Variants in NKAIN2 observed in about 807,000 individuals in gnomAD.
NKAIN2 encodes the protein sodium/potassium transporting ATPase interacting 2, also known as sodium/potassium-transporting ATPase subunit beta-1-interacting protein 2.
NKAIN2 carries 14 observed loss-of-function variants against 32.6 expected under a neutral mutation model. The ratio of observed to expected loss-of-function variants is 0.43; its 90% CI spans 0.28 to 0.67. The LOEUF (loss-of-function observed/expected upper bound fraction) is 0.67. NKAIN2 is among the 30% of genes least tolerant of loss of function. The pLI is 0.17. For synonymous variants in NKAIN2, 80 were observed against 87.2 expected (o/e 0.92, Z 0.46); for missense variants, 198 against 258.3 (o/e 0.77, Z 1.60).
chr6:123,895,712 T>A (rs1218115281), intron 1 of NKAIN2, among the ~76,000 whole-genome samples: 1 of 152,156 alleles, frequency 6.6e-6, no homozygotes, highest in Non-Finnish European at 1.5e-5. Context: ...TAGATGCAAA[T>A]GCAGTGAACA....
chr6:124,221,876 C>T (rs908686389), intron 1 of NKAIN2, among the ~76,000 whole-genome samples: 4 of 152,148 alleles, frequency 2.6e-5, no homozygotes, highest in African/African-American at 7.2e-5. Context: ...AATGAGTGTT[C>T]GCTCTAGTTT....
At chr6:124,106,095 T>C (rs887728826) in intron 1 of NKAIN2, among the ~76,000 whole-genome samples, 4 of 152,190 alleles carry the variant, frequency 2.6e-5, no homozygotes, top group Non-Finnish European at 5.9e-5. Context: ...AAATATGCTA[T>C]GCTAGAACAT....
intron 1 of NKAIN2, among the ~76,000 whole-genome samples, chr6:124,080,795 A>T (rs1476801682): frequency 1.3e-5 from 2 of 151,994 alleles, no homozygotes; most frequent in East Asian, 3.8e-4. Flanking sequence ...TCTTTCCTGT[A>T]TTTCTATAAA....
chr6:124,129,354 G>T (rs1020053610), intron 1 of NKAIN2, among the ~76,000 whole-genome samples: 1 of 152,156 alleles, frequency 6.6e-6, no homozygotes, highest in Non-Finnish European at 1.5e-5. Context: ...TAAGATTTAT[G>T]CTGAGAATGC....
Position 124,369,643 on chromosome 6 carries a change from G to T in NKAIN2, c.273+14296G>T, listed in dbSNP as rs148083930. 1.9e-3 allele frequency among the ~76,000 whole-genome samples: 288 copies of T among 152,162 alleles called. 1 individual carries two copies. The highest frequency in any genetic ancestry group is 6.4e-3 in the African/African-American group (266 of 41,518). On this transcript the variant is annotated intron_variant, in intron 3 of 6. Transcript: ENST00000368417. Reference sequence around the variant, plus strand: ...CCAGTGTGGCCCAGGGAAGCCAAAAGATTGGGTACCCTGCCTTACATCCCA... The same window carrying T: ...CCAGTGTGGCCCAGGGAAGCCAAAATATTGGGTACCCTGCCTTACATCCCA...
At chr6:124,752,240 AC>A (rs1777754864) in intron 4 of NKAIN2, among the ~76,000 whole-genome samples, 1 of 151,970 alleles carries the variant, frequency 6.6e-6, no homozygotes, top group African/African-American at 2.4e-5. Context: ...TTGGTGGAGC[AC>A]TGTGATTAAT....
chr6:124,045,257 G>A (rs1428222055), intron 1 of NKAIN2, among the ~76,000 whole-genome samples: 4 of 151,826 alleles, frequency 2.6e-5, no homozygotes, highest in African/African-American at 9.7e-5. Context: ...ATATTCTAAT[G>A]TATGATGTTG....
At chr6:124,011,241 T>C (rs1780308978) in intron 1 of NKAIN2, among the ~76,000 whole-genome samples, 1 of 152,094 alleles carries the variant, frequency 6.6e-6, no homozygotes, top group Admixed American at 6.6e-5. Flanking sequence ...GGATTCTTTT[T>C]CTCCATTCAC....
chr6:124,042,784 T>C (rs1331208064), intron 1 of NKAIN2, among the ~76,000 whole-genome samples: 1 of 151,966 alleles, frequency 6.6e-6, no homozygotes, highest in African/African-American at 2.4e-5. Flanking sequence ...CAGAATAAAG[T>C]TTAAAAGTGA....
At chr6:123,933,551 G>C (rs112597746) in intron 1 of NKAIN2, among the ~76,000 whole-genome samples, 6 of 152,140 alleles carry the variant, frequency 3.9e-5, no homozygotes, top group Non-Finnish European at 8.8e-5. Flanking sequence ...AAGAAACTAC[G>C]GGTTCCTTTG....
intron 1 of NKAIN2, among the ~76,000 whole-genome samples, chr6:124,231,387 CT>C (rs1303956809): frequency 6.6e-6 from 1 of 152,112 alleles, no homozygotes; most frequent in Admixed American, 6.6e-5. Context: ...TGAATTAAGA[CT>C]TTGGGGGACT....
intron 4 of NKAIN2, among the ~76,000 whole-genome samples, chr6:124,722,257 T>C (rs529014744): frequency 6.6e-6 from 1 of 152,380 alleles, no homozygotes; most frequent in African/African-American, 2.4e-5. Context: ...TTGGCTATTG[T>C]GAATAATGCT....
intron 3 of NKAIN2, among the ~76,000 whole-genome samples, chr6:124,514,027 G>A (rs1583366869): frequency 6.6e-6 from 1 of 152,178 alleles, no homozygotes; most frequent in East Asian, 1.9e-4. Context: ...TTTGTGAAGT[G>A]TATGAAGAGA....
intron 1 of NKAIN2, among the ~76,000 whole-genome samples, chr6:124,146,916 A>G (rs1365643246): frequency 6.6e-6 from 1 of 152,180 alleles, no homozygotes; most frequent in Non-Finnish European, 1.5e-5. Context: ...GCTATTGGGG[A>G]GGAGGCGTGG....
At chr6:124,748,853 T>TAAAA in intron 4 of NKAIN2, among the ~76,000 whole-genome samples, 1 of 148,338 alleles carries the variant, frequency 6.7e-6, no homozygotes, top group Non-Finnish European at 1.5e-5. Flanking sequence ...ACTTCTAATT[T>TAAAA]AAAAAAAAAA....
At chr6:124,359,287 A>T (rs1237250807) in intron 3 of NKAIN2, among the ~76,000 whole-genome samples, 2 of 152,140 alleles carry the variant, frequency 1.3e-5, no homozygotes, top group Non-Finnish European at 2.9e-5. Context: ...ACTTTAAAGT[A>T]GCTTTTTCCA....
chr6:123,881,722 A>G (rs1207507948), intron 1 of NKAIN2, among the ~76,000 whole-genome samples: 1 of 152,188 alleles, frequency 6.6e-6, no homozygotes, highest in East Asian at 1.9e-4. Context: ...ATGAAATCAT[A>G]TTAGGATAGC....
intron 4 of NKAIN2, among the ~76,000 whole-genome samples, chr6:124,760,442 T>C (rs1562368338): frequency 7.0e-6 from 1 of 143,784 alleles, no homozygotes; most frequent in Non-Finnish European, 1.5e-5. Context: ...AGGCATCTCC[T>C]CTTGAGCCAG....
At chr6:124,395,308 A>G (rs1773330781) in intron 3 of NKAIN2, among the ~76,000 whole-genome samples, 1 of 152,102 alleles carries the variant, frequency 6.6e-6, no homozygotes, top group South Asian at 2.1e-4. Flanking sequence ...AAATTCTTCC[A>G]TCTGTCATAT....
Sources: allele counts gnomAD v4.1 joint callset (sites outside exome capture counted in the v4.1 genomes callset), GRCh38; gene constraint gnomAD v4.1.1; transcripts MANE v1.5; gene names NCBI Gene and HGNC (gene_info 2026-07-23, HGNC 2026-07-21).